DLGAP2: variants seen among roughly 807,000 people sequenced by gnomAD.
The protein encoded by DLGAP2 is disks large-associated protein 2.
Under a neutral mutation model 100.3 loss-of-function variants are expected in DLGAP2, and 26 were observed. The ratio of observed to expected loss-of-function variants is 0.26; its 90% confidence interval spans 0.19 to 0.36. DLGAP2 has a LOEUF of 0.36. Among genes scored for constraint, DLGAP2 ranks in the 10% least tolerant of loss-of-function variants. The pLI is 1.00. For synonymous variants in DLGAP2, 886 were observed against 630.1 expected (o/e 1.41, Z -6.08); for missense variants, 1,858 against 1,453.2 (o/e 1.28, Z -4.53).
At chr8:1,475,431 T>C (rs1798903667) in intron 3 of DLGAP2, among the ~76,000 whole-genome samples, 1 of 152,190 alleles carries the variant, frequency 6.6e-6, no homozygotes, top group Non-Finnish European at 1.5e-5. Flanking sequence ...GCCCTAGGTA[T>C]GGAAAACAGA....
At chr8:1,085,440 T>C (rs979619192) in intron 2 of DLGAP2, among the ~76,000 whole-genome samples, 2 of 152,212 alleles carry the variant, frequency 1.3e-5, no homozygotes, top group Non-Finnish European at 2.9e-5. Context: ...CAGACCAATA[T>C]TATGTAGTCT....
intron 2 of DLGAP2, among the ~76,000 whole-genome samples, chr8:924,475 G>C (rs1309912086): frequency 1.3e-5 from 2 of 152,178 alleles, no homozygotes; most frequent in African/African-American, 4.8e-5. Context: ...TAAGCCCGGT[G>C]AAGTTTAGTG....
At chr8:756,931 C>G (rs992855835) in intron 1 of DLGAP2, among the ~76,000 whole-genome samples, 3 of 152,176 alleles carry the variant, frequency 2.0e-5, no homozygotes, top group African/African-American at 4.8e-5. Context: ...CCAGATTTCC[C>G]CTTTCTGGCT....
chr8:1,651,852 G>T (rs949411911), intron 8 of DLGAP2, among the ~76,000 whole-genome samples: 3 of 152,180 alleles, frequency 2.0e-5, no homozygotes, highest in Non-Finnish European at 2.9e-5. Context: ...ACACAGTCTT[G>T]TGTGTGACCA....
At chr8:1,021,460 T>G (rs927337033) in intron 2 of DLGAP2, among the ~76,000 whole-genome samples, 3 of 152,184 alleles carry the variant, frequency 2.0e-5, no homozygotes, top group Admixed American at 1.3e-4. Flanking sequence ...AGGGGCAGAT[T>G]AGCCATGTTG....
At chr8:1,144,187 G>A (rs1440246780) in intron 2 of DLGAP2, among the ~76,000 whole-genome samples, 2 of 152,226 alleles carry the variant, frequency 1.3e-5, no homozygotes, top group Non-Finnish European at 1.5e-5. Flanking sequence ...TCCAGCGGGC[G>A]CGTTTTCACC....
At chr8:1,273,875 A>G (rs1408414123) in intron 3 of DLGAP2, among the ~76,000 whole-genome samples, 1 of 152,226 alleles carries the variant, frequency 6.6e-6, no homozygotes, top group Admixed American at 6.5e-5. Context: ...AATGAAATTT[A>G]TGGACTTTAA....
intron 3 of DLGAP2, among the ~76,000 whole-genome samples, chr8:1,291,401 T>A (rs2116970645): frequency 6.6e-6 from 1 of 152,254 alleles, no homozygotes; most frequent in South Asian, 2.1e-4. Flanking sequence ...AAAGTCACAA[T>A]TTCTACATGT....
intron 6 of DLGAP2, among the ~76,000 whole-genome samples, chr8:1,567,027 G>A (rs991224184): frequency 2.0e-5 from 3 of 152,168 alleles, no homozygotes; most frequent in Non-Finnish European, 2.9e-5. Context: ...CTTGTGGGAC[G>A]AGTGGCTGAG....
At chr8:1,032,167 C>T (rs906157316) in intron 2 of DLGAP2, among the ~76,000 whole-genome samples, 17 of 152,236 alleles carry the variant, frequency 1.1e-4, no homozygotes, top group Admixed American at 7.8e-4. Flanking sequence ...CGCAAGTTAG[C>T]GCATCCATCG....
chr8:836,592 G>A (rs1376927860), intron 1 of DLGAP2, among the ~76,000 whole-genome samples: 1 of 152,228 alleles, frequency 6.6e-6, no homozygotes, highest in Admixed American at 6.5e-5. Flanking sequence ...TGGGAATAAA[G>A]CCCGAGCTGG....
At chr8:1,004,236 C>A (rs1584964598) in intron 2 of DLGAP2, among the ~76,000 whole-genome samples, 1 of 152,202 alleles carries the variant, frequency 6.6e-6, no homozygotes, top group Non-Finnish European at 1.5e-5. Flanking sequence ...CACTTCCAAG[C>A]TGCTTTTTCT....
At chr8:1,073,496 G>A (rs948135795) in intron 2 of DLGAP2, among the ~76,000 whole-genome samples, 1 of 152,134 alleles carries the variant, frequency 6.6e-6, no homozygotes, top group Admixed American at 6.5e-5. Flanking sequence ...CCTGAGCTCA[G>A]AATTTAAAAG....
At chr8:1,098,181 A>C (rs969678375) in intron 2 of DLGAP2, among the ~76,000 whole-genome samples, 2 of 152,236 alleles carry the variant, frequency 1.3e-5, no homozygotes, top group Non-Finnish European at 2.9e-5. Flanking sequence ...TTGGAGCTGG[A>C]CTGAGTCCCG....
intron 3 of DLGAP2, among the ~76,000 whole-genome samples, chr8:1,315,687 C>A (rs532575862): frequency 2.3e-5 from 2 of 86,732 alleles, no homozygotes; most frequent in Non-Finnish European, 4.4e-5. Context: ...TCGAGAAACT[C>A]GGCAGCGTTT....
At chr8:1,250,338 C>A (rs184203897) in intron 2 of DLGAP2, 2 of 152,202 alleles carry the variant, frequency 1.3e-5, no homozygotes, top group African/African-American at 4.8e-5. Flanking sequence ...GTCTGCACAC[C>A]GCGCACTTCC....
rs577004353 is a variant in DLGAP2, at chr8:1,253,338, C to T, written c.74-5513C>T. Among the ~76,000 whole-genome samples, 12 of 152,280 alleles carry T rather than the reference C, an allele frequency of 7.9e-5. No individual in the cohort carries two copies. In the South Asian group the frequency reaches 2.1e-3, roughly 26 times the overall value. On this transcript the variant is annotated intron_variant, in intron 2 of 14. Transcript: ENST00000637795. ...GGGCCCCTTTATCTCCCGGCTCCAT[C>T]GGCTGCTACTGCGCACCCCTCCCCG...
At chr8:1,312,299 G>C (rs138194806) in intron 3 of DLGAP2, among the ~76,000 whole-genome samples, 1 of 152,278 alleles carries the variant, frequency 6.6e-6, no homozygotes, top group South Asian at 2.1e-4. Context: ...TTTAGAGACC[G>C]CACCGAAGGC....
At chr8:853,865 C>T (rs944174574) in intron 1 of DLGAP2, among the ~76,000 whole-genome samples, 1 of 152,112 alleles carries the variant, frequency 6.6e-6, no homozygotes, top group Non-Finnish European at 1.5e-5. Flanking sequence ...CAGATTCATA[C>T]CCTAACCCCC....
Sources: gnomAD v4.1 joint callset for allele counts (sites outside exome capture counted in the v4.1 genomes callset) on GRCh38, gnomAD v4.1.1 for gene constraint, MANE v1.5 for transcripts, NCBI Gene and HGNC (gene_info 2026-07-23, HGNC 2026-07-21) for gene names.